REELD1: variants seen among roughly 807,000 people sequenced by gnomAD.
The protein encoded by REELD1 is reelin domain-containing protein 1.
Under a neutral mutation model 6.3 loss-of-function variants are expected in REELD1, and 12 were observed. The observed-to-expected ratio is 1.89, with a 90% CI of 1.21 to 3.07. The LOEUF is 3.07. Ranked by LOEUF, REELD1 falls within the 30% of genes most tolerant of loss-of-function variation. The pLI is 0.00. For synonymous variants in REELD1, 57 were observed against 33.6 expected (o/e 1.70, Z -2.42); for missense variants, 163 against 86.8 (o/e 1.88, Z -3.49).
chr4:146,232,133 T>C lies in REELD1; in HGVS notation c.*1620T>C, dbSNP rs1260627542. 6.6e-6 allele frequency: 1 copy of C among 152,238 alleles called. No individual in the cohort carries two copies. Among genetic ancestry groups the C allele is most frequent in the Non-Finnish European group, 1.5e-5 (1 of 68,038 alleles). 9.4% of individuals were successfully genotyped at this position (152,238 alleles called of 1,614,324 possible). On this transcript the variant is annotated 3_prime_UTR_variant, in exon 8 of 8. Transcript: ENST00000623665. Reference sequence around the variant, plus strand: ...CATCACATCAGAGCCAGATGCACCATGTATGCAAACTTTTTTAGATCTTTT... The same window carrying C: ...CATCACATCAGAGCCAGATGCACCACGTATGCAAACTTTTTTAGATCTTTT...
rs1000988287 is a variant in REELD1 at position 146,231,628 on chromosome 4, G to A, written c.*1115G>A. On this transcript the variant is annotated 3_prime_UTR_variant, in exon 8 of 8. Coordinates refer to ENST00000623665, the MANE Select transcript of REELD1 (RefSeq NM_001354631.1). ...CAAAAATCACTACAAATTCGGAAAG[G>A]ATATTTGTTTATTGAACACCTAATT... Among the ~76,000 whole-genome samples the A allele has an allele frequency of 1.3e-5, 2 of 152,278 alleles. No homozygotes were observed. The highest frequency in any genetic ancestry group is 4.1e-4 in the South Asian group (2 of 4,832).
rs7693815 is a variant in REELD1 at position 146,231,682 on chromosome 4, G to A, written c.*1169G>A. Among the ~76,000 whole-genome samples the A allele has an allele frequency of 0.76, 115,317 of 151,702 alleles. 44,765 individuals carry two copies. The highest frequency in any genetic ancestry group is 0.93 in the African/African-American group (38,559 of 41,444). On this transcript the variant is annotated 3_prime_UTR_variant, in exon 8 of 8. Coordinates refer to ENST00000623665, the MANE Select transcript of REELD1 (RefSeq NM_001354631.1). ...ACGGGAACTGTGCTAAGTAGTTTGC[G>A]TATATCTTCACATTTAACTCTCACA...
chr4:146,215,644 G>A lies in REELD1; in HGVS notation c.-12+446G>A, dbSNP rs911843531. On this transcript the variant is annotated intron_variant, in intron 2 of 7. Coordinates refer to ENST00000623665, the MANE Select transcript of REELD1 (RefSeq NM_001354631.1). ...CCTTTTAAAACCAGCTGACTACAGGGGAGGGCATTTTTTTTTTTTTTTTTT... is the reference window on the plus strand; with the variant it reads ...CCTTTTAAAACCAGCTGACTACAGGAGAGGGCATTTTTTTTTTTTTTTTTT... Among the ~76,000 whole-genome samples, 10 of 144,730 alleles carry A rather than the reference G, an allele frequency of 6.9e-5. 1 individual carries two copies. The highest frequency in any genetic ancestry group is 1.0e-4 in the African/African-American group (4 of 38,528). The allele number at this position is 144,730 out of a possible 152,430, so 94.9% of individuals were successfully genotyped here.
rs1334285360 is a variant in REELD1, at chr4:146,228,979, C to A, written c.909-46C>A. 3 of 700,902 alleles carry A rather than the reference C, an allele frequency of 4.3e-6. No individual in the cohort carries two copies. In the South Asian group the frequency reaches 4.5e-5, roughly 10 times the overall value. The allele number at this position is 700,902 out of a possible 1,614,324, so 43.4% of individuals were successfully genotyped here. On this transcript the variant is annotated intron_variant, in intron 6 of 7. Transcript: ENST00000623665. ...GTGGTAGGAAACATTGCTTTTTGGT[C>A]CAAAACTTAATGACCTGTTTTCAGC... is the stretch of plus-strand genomic sequence containing the variant.
In REELD1 at chr4:146,223,070, A is replaced by G. The variant is rs114622337; in HGVS notation, c.431+491A>G. Among the ~76,000 whole-genome samples the G allele has an allele frequency of 9.6e-3, 1,455 of 152,326 alleles. 28 individuals are homozygous for G. The highest frequency in any genetic ancestry group is 0.032 in the African/African-American group (1,340 of 41,562). On this transcript the variant is annotated intron_variant, in intron 4 of 7. Coordinates refer to ENST00000623665, the MANE Select transcript of REELD1 (RefSeq NM_001354631.1). ...TGGATGAGAGAGCCTACGTTCGCTC[A>G]GAAGAGTTCCTGGCAACAGTAAGCA...
chr4:146,228,890 A>T (rs960822431), intron 6 of REELD1, 135 bp from the exon 7 acceptor site: 3 of 631,738 alleles, frequency 4.7e-6, no homozygotes, highest in African/African-American at 3.6e-5. Context: ...CCTCTTCTCT[A>T]TGGTTCCTGA....
At position 146,224,299 on chromosome 4, in the gene REELD1, A is replaced by G. The variant is rs963832587; in HGVS notation, c.432-146A>G. On this transcript the variant is annotated intron_variant, in intron 4 of 7. Transcript: ENST00000623665. Reference sequence around the variant, plus strand: ...ATGAAGTCACTCAAAGAGTAATAATATAATCTCTCTCTCTCATTCTGCTAT... The same window carrying G: ...ATGAAGTCACTCAAAGAGTAATAATGTAATCTCTCTCTCTCATTCTGCTAT... 5 of 421,660 alleles carry G rather than the reference A, an allele frequency of 1.2e-5. No individual in the cohort carries two copies. The Admixed American group carries it at 1.7e-4, about 14-fold the overall frequency. The allele number at this position is 421,660 out of a possible 1,614,324, so 26.1% of individuals were successfully genotyped here. A position where few individuals can be genotyped will look rare whatever the true frequency, so the allele number is the denominator to read the frequency against.
At chr4:146,227,760 C>T (rs1422756328) in intron 5 of REELD1, among the ~76,000 whole-genome samples, 1 of 152,150 alleles carries the variant, frequency 6.6e-6, no homozygotes, top group African/African-American at 2.4e-5. Context: ...GATCTCGTCT[C>T]TTCTCATAGC....
intron 3 of REELD1, among the ~76,000 whole-genome samples, chr4:146,220,999 T>C (rs1222863045): frequency 6.6e-6 from 1 of 152,260 alleles, no homozygotes; most frequent in African/African-American, 2.4e-5. Context: ...AATTCCTAGA[T>C]GCAAAATTTC....
chr4:146,219,235 G>A (rs1730878316), intron 3 of REELD1, among the ~76,000 whole-genome samples: 2 of 152,150 alleles, frequency 1.3e-5, no homozygotes, highest in South Asian at 4.2e-4. Flanking sequence ...AAAATATTGT[G>A]ATACCTAAAT....
At chr4:146,225,695 A>G (rs1731008977) in intron 5 of REELD1, among the ~76,000 whole-genome samples, 1 of 152,202 alleles carries the variant, frequency 6.6e-6, no homozygotes, top group African/African-American at 2.4e-5. Flanking sequence ...TTTTAATCCC[A>G]AGTATAACCA....
intron 3 of REELD1, among the ~76,000 whole-genome samples, chr4:146,218,506 C>T (rs1730864776): frequency 6.6e-6 from 1 of 152,166 alleles, no homozygotes; most frequent in African/African-American, 2.4e-5. Flanking sequence ...AGGTGATAAA[C>T]AAAAATGAAA....
In REELD1 at chr4:146,232,130, C is replaced by T. The variant is rs1222369580; in HGVS notation, c.*1617C>T. ...CCACATCACATCAGAGCCAGATGCA[C>T]CATGTATGCAAACTTTTTTAGATCT... On this transcript the variant is annotated 3_prime_UTR_variant, in exon 8 of 8. Coordinates refer to ENST00000623665, the MANE Select transcript of REELD1 (RefSeq NM_001354631.1). 6.6e-6 allele frequency: 1 copy of T among 152,212 alleles called. No homozygotes were observed. Among genetic ancestry groups the T allele is most frequent in the Non-Finnish European group, 1.5e-5 (1 of 68,042 alleles). The allele number at this position is 152,212 out of a possible 1,614,324, so 9.4% of individuals were successfully genotyped here. A position where few individuals can be genotyped will look rare whatever the true frequency, so the allele number is the denominator to read the frequency against.
intron 5 of REELD1, 124 bp downstream of exon 5, chr4:146,224,732 G>A (rs775200660): frequency 3.9e-5 from 25 of 635,298 alleles, no homozygotes; most frequent in Middle Eastern, 4.0e-4. Flanking sequence ...AACACCTGCC[G>A]TGGCCAACTG....
chr4:146,223,717 C>T (rs759071382), intron 4 of REELD1, among the ~76,000 whole-genome samples: 1 of 152,214 alleles, frequency 6.6e-6, no homozygotes, highest in Non-Finnish European at 1.5e-5. Context: ...CTCCCACCTC[C>T]GGGAACGCTT....
In REELD1 at chr4:146,224,605, C is replaced by G; in HGVS notation, c.592C>G (p.Pro198Ala). The G allele has an allele frequency of 2.8e-6, 2 of 702,030 alleles. No individual in the cohort carries two copies. Among genetic ancestry groups the G allele is most frequent in the Non-Finnish European group, 5.2e-6 (2 of 384,866 alleles). 43.5% of individuals were successfully genotyped at this position (702,030 alleles called of 1,614,324 possible). A position where few individuals can be genotyped will look rare whatever the true frequency, so the allele number is the denominator to read the frequency against. The change falls in exon 5 of 8, where the codon CCA (proline) becomes GCA (alanine). Residue 198 changes from proline (P) to alanine (A), a missense_variant. Pro to Ala is a conservative substitution (Grantham distance 27). Transcript: ENST00000623665. ...GCTGGGCGATGTTGAAGGAGCTGCT[C>G]CAGGTACAGCTTGTCATTGTATTTG... is the stretch of plus-strand genomic sequence containing the variant. Reference protein sequence around the residue: ...QRLGDVEGAAPAPRTPITLPQ... With the variant: ...QRLGDVEGAAAAPRTPITLPQ...
At chr4:146,216,888 A>C (rs1030737941) in intron 2 of REELD1, 54 bp from the exon 3 acceptor site, 1 of 397,928 alleles carries the variant, frequency 2.5e-6, no homozygotes, top group African/African-American at 2.1e-5. Context: ...AGAAGACTTT[A>C]TGTCGTTTTC....
chr4:146,215,473 C>A (rs1189207549), intron 2 of REELD1, among the ~76,000 whole-genome samples: 1 of 152,190 alleles, frequency 6.6e-6, no homozygotes, highest in Non-Finnish European at 1.5e-5. Context: ...ATATTCCTGT[C>A]TTCTTTTAGC....
intron 5 of REELD1, among the ~76,000 whole-genome samples, chr4:146,227,491 C>T (rs1014963500): frequency 2.6e-5 from 4 of 152,186 alleles, no homozygotes; most frequent in Non-Finnish European, 4.4e-5. Context: ...ACCTGCTTCA[C>T]GCTTCCACCT....
Sources: allele counts gnomAD v4.1 joint callset (sites outside exome capture counted in the v4.1 genomes callset), GRCh38; gene constraint gnomAD v4.1.1; transcripts MANE v1.5; gene names NCBI Gene and HGNC (gene_info 2026-07-23, HGNC 2026-07-21).